Variants in BCAS4 observed in about 807,000 individuals in gnomAD.
BCAS4 encodes the protein breast carcinoma amplified sequence 4, also known as breast carcinoma-amplified sequence 4.
A neutral mutation model predicts 15.7 loss-of-function variants in BCAS4; 9 were observed. The observed-to-expected ratio is 0.57, with a 90% CI of 0.34 to 1.00. The LOEUF is 1.00. Among genes scored for constraint, BCAS4 ranks in the 50% least tolerant of loss-of-function variants. BCAS4 has a pLI of 0.02. For synonymous variants in BCAS4, 101 were observed against 99.5 expected, an observed-to-expected ratio of 1.02 and a Z score of -0.09; for missense variants, 225 against 239.1, an observed-to-expected ratio of 0.94 and a Z score of 0.39.
At chr20:50,801,703 C>T (rs944713103) in intron 1 of BCAS4, among the ~76,000 whole-genome samples, 1 of 152,144 alleles carries the variant, frequency 6.6e-6, no homozygotes, top group Non-Finnish European at 1.5e-5. Flanking sequence ...TGGGCGAGAC[C>T]AGCAAGACAG....
intron 4 of BCAS4, among the ~76,000 whole-genome samples, chr20:50,869,742 CTTTT>C (rs55685532): frequency 3.9e-5 from 3 of 77,656 alleles, no homozygotes; most frequent in South Asian, 4.7e-4. Flanking sequence ...CCTGGCACTG[CTTTT>C]TTTTTTTTTT....
chr20:50,876,553 C>T lies in BCAS4; in HGVS notation c.467C>T (p.Pro156Leu), dbSNP rs1156513593. The T allele has an allele frequency of 3.7e-6, 6 of 1,614,116 alleles. No individual in the cohort carries two copies. The highest frequency in any genetic ancestry group is 2.2e-5 in the South Asian group (2 of 91,074). ...PTLYRTEDYF[P>L]VDAGEAQHHP... ...CTGTATAGGACGGAGGACTATTTTC[C>T]TGTGGACGCCGGGGAAGCACAGCAC... Residue 156 changes from proline (P) to leucine (L), a missense_variant, in exon 5 of 5, where the codon CCT becomes CTT. Transcript: ENST00000371608.
chr20:50,817,138 A>G (rs2088149874), intron 1 of BCAS4, among the ~76,000 whole-genome samples: 1 of 150,636 alleles, frequency 6.6e-6, no homozygotes, highest in Admixed American at 6.6e-5. Flanking sequence ...GAGTCTCACC[A>G]TGTTGCCCAG....
At chr20:50,795,908 G>A (rs1265943673) in intron 1 of BCAS4, among the ~76,000 whole-genome samples, 1 of 152,200 alleles carries the variant, frequency 6.6e-6, no homozygotes, top group Admixed American at 6.5e-5. Context: ...ATTTACAAAT[G>A]TAGATATCTG....
chr20:50,882,339 T>C, the BCAS4 span: 1 of 152,208 alleles, frequency 6.6e-6, no homozygotes, highest in South Asian at 2.1e-4. Flanking sequence ...ACCCAAGTGA[T>C]TATTGATCTG....
At chr20:50,812,342 C>T (rs1033561333) in intron 1 of BCAS4, among the ~76,000 whole-genome samples, 1 of 151,760 alleles carries the variant, frequency 6.6e-6, no homozygotes, top group East Asian at 1.9e-4. Flanking sequence ...ACCGTGTTAG[C>T]CAGGATGGTC....
chr20:50,836,141 C>G (rs766090559), intron 3 of BCAS4, among the ~76,000 whole-genome samples: 1 of 152,198 alleles, frequency 6.6e-6, no homozygotes, highest in African/African-American at 2.4e-5. Flanking sequence ...TGGTCCCGAA[C>G]TCCTGACCTC....
At chr20:50,857,913 G>A (rs1978851981) in intron 4 of BCAS4, among the ~76,000 whole-genome samples, 1 of 152,156 alleles carries the variant, frequency 6.6e-6, no homozygotes, top group South Asian at 2.1e-4. Context: ...CTTTCCCTCT[G>A]TCTCTAGGGT....
chr20:50,809,034 T>A (rs1319649629), intron 1 of BCAS4, among the ~76,000 whole-genome samples: 2 of 152,112 alleles, frequency 1.3e-5, no homozygotes, highest in Non-Finnish European at 2.9e-5. Flanking sequence ...AGGATCCAGT[T>A]TCATTCTTCT....
rs750057692 is a variant in BCAS4 at position 50,841,881 on chromosome 20, G to C, written c.380G>C (p.Gly127Ala). 10 of 1,591,646 alleles carry C rather than the reference G, an allele frequency of 6.3e-6. No individual in the cohort carries two copies. The highest frequency in any genetic ancestry group is 8.6e-6 in the Non-Finnish European group (10 of 1,167,600). The change falls in exon 4 of 5, where the codon GGG becomes GCG. Residue 127 changes from glycine (G) to alanine (A), a missense_variant. Physicochemically the swap from Gly to Ala is moderately conservative, Grantham distance 60. Coordinates refer to ENST00000371608, the MANE Select transcript of BCAS4 (RefSeq NM_198799.4). ...QALRRWLGSA[G>A]LPSFRNKSPA... ...CTGCGGAGGTGGCTGGGATCCGCAG[G>C]GCTCCCCTCCTTCAGGAACGTGAGT...
At chr20:50,816,049 C>CA (rs1309650244) in intron 1 of BCAS4, among the ~76,000 whole-genome samples, 7 of 152,274 alleles carry the variant, frequency 4.6e-5, no homozygotes, top group Non-Finnish European at 8.8e-5. Flanking sequence ...TTTTTGAAGA[C>CA]AGATCTTGCT....
intron 1 of BCAS4, among the ~76,000 whole-genome samples, chr20:50,800,949 T>C (rs1027156491): frequency 3.9e-5 from 6 of 152,350 alleles, no homozygotes; most frequent in African/African-American, 1.4e-4. Flanking sequence ...AAAATGTAAA[T>C]TAGCCAAAGA....
intron 4 of BCAS4, among the ~76,000 whole-genome samples, chr20:50,849,598 G>C (rs953247821): frequency 1.3e-5 from 2 of 152,346 alleles, no homozygotes; most frequent in Admixed American, 6.5e-5. Flanking sequence ...CTGGGCATGA[G>C]ACAGGAGGGA....
intron 4 of BCAS4, 99 bp from the exon 5 acceptor site, chr20:50,876,387 G>A: frequency 4.7e-6 from 7 of 1,498,288 alleles, no homozygotes; most frequent in Non-Finnish European, 6.3e-6. Flanking sequence ...TTGGTCATAT[G>A]TGTGAGTCCT....
intron 4 of BCAS4, among the ~76,000 whole-genome samples, chr20:50,846,965 C>G (rs1377869999): frequency 6.6e-6 from 1 of 151,972 alleles, no homozygotes; most frequent in African/African-American, 2.4e-5. Flanking sequence ...GAGAGTCTGA[C>G]TGAGTCAGTG....
At chr20:50,834,550 C>T (rs778111499) in intron 3 of BCAS4, among the ~76,000 whole-genome samples, 2 of 152,184 alleles carry the variant, frequency 1.3e-5, no homozygotes, top group Admixed American at 1.3e-4. Context: ...CTGCCTTGGC[C>T]TCCCAAAGTG....
At chr20:50,801,837 G>A (rs1342780233) in intron 1 of BCAS4, among the ~76,000 whole-genome samples, 2 of 152,126 alleles carry the variant, frequency 1.3e-5, no homozygotes, top group African/African-American at 4.8e-5. Flanking sequence ...AGGGGAAGGA[G>A]GATGGGAAGG....
At chr20:50,831,886 A>C (rs573741629) in intron 3 of BCAS4, among the ~76,000 whole-genome samples, 2 of 152,254 alleles carry the variant, frequency 1.3e-5, no homozygotes, top group African/African-American at 4.8e-5. Flanking sequence ...CCGAGGTAGC[A>C]GAGAATTAAC....
intron 2 of BCAS4, among the ~76,000 whole-genome samples, chr20:50,823,248 G>C (rs1388238586): frequency 6.6e-6 from 1 of 152,002 alleles, no homozygotes; most frequent in Non-Finnish European, 1.5e-5. Context: ...GCTGAGGCAG[G>C]AGAATCACTT....
Sources: gnomAD v4.1 joint callset for allele counts (sites outside exome capture counted in the v4.1 genomes callset) on GRCh38, gnomAD v4.1.1 for gene constraint, MANE v1.5 for transcripts, NCBI Gene and HGNC (gene_info 2026-07-23, HGNC 2026-07-21) for gene names.